VAPB: variants seen among roughly 807,000 people sequenced by gnomAD.
VAPB encodes vesicle-associated membrane protein-associated protein B/C.
Under a neutral mutation model 25.6 loss-of-function variants are expected in VAPB, and 7 were observed. That is an observed-to-expected ratio of 0.27 (90% CI 0.16 to 0.51). The LOEUF is 0.51. Ranked by LOEUF, VAPB falls within the 20% of genes least tolerant of loss-of-function variation. VAPB has a pLI of 0.97. For missense variants in VAPB, 266 were observed against 301.3 expected, an observed-to-expected ratio of 0.88 and a Z score of 0.87; for synonymous variants, 112 against 109.2, an observed-to-expected ratio of 1.03 and a Z score of -0.16.
intron 1 of VAPB, among the ~76,000 whole-genome samples, chr20:58,409,818 A>G (rs1382111409): frequency 1.3e-5 from 2 of 152,094 alleles, no homozygotes; most frequent in East Asian, 3.8e-4. Flanking sequence ...CAAAGGAAGG[A>G]TATGTATTTG....
Position 58,444,131 on chromosome 20 carries a change from G to C in VAPB, c.628G>C (p.Ala210Pro). The change falls in exon 6 of 6, where the codon GCA becomes CCA. Residue 210 changes from alanine (A) to proline (P), a missense_variant. This residue lies in a region of VAPB where 136 missense variants were observed against 130.7 expected (regional missense o/e 1.04). Coordinates refer to ENST00000475243, the MANE Select transcript of VAPB (RefSeq NM_004738.5). ...AGTGCAGAGCAACAGCCCCATTTCA[G>C]CATTAGCCCCAACTGGGAAGGAAGA... ...KTVQSNSPIS[A>P]LAPTGKEEGL... 1 of 1,614,202 alleles carries C rather than the reference G, an allele frequency of 6.2e-7. No individual in the cohort carries two copies.
chr20:58,430,250 C>CT (rs36004702), intron 2 of VAPB, among the ~76,000 whole-genome samples: 56,901 of 146,064 alleles, frequency 0.39, 11,065 homozygotes, highest in Middle Eastern at 0.46. Context: ...GCCAATTTTT[C>CT]TTTTTTTTTT....
chr20:58,431,094 C>CT (rs1423487142), intron 2 of VAPB: 7 of 152,214 alleles, frequency 4.6e-5, no homozygotes, highest in Admixed American at 3.3e-4. Flanking sequence ...ACAAGTGTTA[C>CT]TTTCTTCAAG....
chr20:58,444,501 T>G lies in VAPB; in HGVS notation c.*266T>G. 1 of 595,432 alleles carries G rather than the reference T, an allele frequency of 1.7e-6. No individual in the cohort carries two copies. Among genetic ancestry groups the G allele is most frequent in the Non-Finnish European group, 3.1e-6 (1 of 319,124 alleles). 36.9% of individuals were successfully genotyped at this position (595,432 alleles called of 1,614,324 possible). A position where few individuals can be genotyped will look rare whatever the true frequency, so the allele number is the denominator to read the frequency against. ...TAATGACAAGGGAAACCATGAGTAATGCCACAATGGCATATTGTAAATGTC... is the reference window on the plus strand; with the variant it reads ...TAATGACAAGGGAAACCATGAGTAAGGCCACAATGGCATATTGTAAATGTC... On this transcript the variant is annotated 3_prime_UTR_variant, in exon 6 of 6. Transcript: ENST00000475243.
intron 1 of VAPB, among the ~76,000 whole-genome samples, chr20:58,402,266 T>C (rs1415370926): frequency 6.6e-6 from 1 of 152,208 alleles, no homozygotes; most frequent in African/African-American, 2.4e-5. Flanking sequence ...TCCTTGGCCA[T>C]GGGGCTTTGG....
chr20:58,406,819 A>C (rs537683133), intron 1 of VAPB, among the ~76,000 whole-genome samples: 2 of 152,120 alleles, frequency 1.3e-5, no homozygotes, highest in African/African-American at 4.8e-5. Context: ...ATCTGTCTTG[A>C]CTCATCCTGC....
chr20:58,403,037 G>T (rs1187912360), intron 1 of VAPB, among the ~76,000 whole-genome samples: 2 of 151,346 alleles, frequency 1.3e-5, no homozygotes, highest in Admixed American at 1.3e-4. Context: ...AAGGAGAGAG[G>T]GGGGAAGAAA....
At chr20:58,396,916 A>G (rs934546048) in intron 1 of VAPB, among the ~76,000 whole-genome samples, 89 of 143,348 alleles carry the variant, frequency 6.2e-4, no homozygotes, top group African/African-American at 2.4e-3. Flanking sequence ...TGCACTAGTA[A>G]ATGGTGGCAC....
intron 1 of VAPB, among the ~76,000 whole-genome samples, chr20:58,397,974 G>T (rs936912694): frequency 6.6e-6 from 1 of 152,148 alleles, no homozygotes; most frequent in East Asian, 1.9e-4. Context: ...GACATGCATG[G>T]ATATAATGAT....
At chr20:58,435,914 A>G (rs1362802208) in intron 3 of VAPB, among the ~76,000 whole-genome samples, 2 of 152,236 alleles carry the variant, frequency 1.3e-5, no homozygotes, top group Non-Finnish European at 2.9e-5. Context: ...GCTGCATGGC[A>G]TAGTGAAAAG....
intron 1 of VAPB, among the ~76,000 whole-genome samples, chr20:58,397,390 A>G (rs1285521920): frequency 3.3e-5 from 5 of 151,964 alleles, no homozygotes; most frequent in Non-Finnish European, 7.4e-5. Context: ...ATGGTAGCGC[A>G]TGCCTGTAAT....
chr20:58,433,490 A>G (rs1600811685), intron 2 of VAPB, among the ~76,000 whole-genome samples: 1 of 152,206 alleles, frequency 6.6e-6, no homozygotes, highest in East Asian at 1.9e-4. Context: ...GGTGAGAAGC[A>G]TAAGACTTGT....
At chr20:58,404,214 G>A (rs539525507) in intron 1 of VAPB, among the ~76,000 whole-genome samples, 80 of 152,142 alleles carry the variant, frequency 5.3e-4, no homozygotes, top group Admixed American at 5.1e-3. Context: ...TAGATCTTAC[G>A]GATAGGTTCG....
intron 1 of VAPB, among the ~76,000 whole-genome samples, chr20:58,391,648 C>T (rs1987801622): frequency 6.6e-6 from 1 of 152,144 alleles, no homozygotes; most frequent in African/African-American, 2.4e-5. Flanking sequence ...CCTGCCTCAG[C>T]CTCTTGAGTA....
At chr20:58,401,809 G>A (rs1344617333) in intron 1 of VAPB, among the ~76,000 whole-genome samples, 2 of 152,170 alleles carry the variant, frequency 1.3e-5, no homozygotes, top group African/African-American at 4.8e-5. Flanking sequence ...GTTAAATGCA[G>A]CATGACCCAA....
chr20:58,400,021 A>T (rs915122641), intron 1 of VAPB, among the ~76,000 whole-genome samples: 1 of 152,152 alleles, frequency 6.6e-6, no homozygotes, highest in South Asian at 2.1e-4. Flanking sequence ...CGTACTCGAG[A>T]AATCAGTGTT....
In VAPB at chr20:58,448,721, T is replaced by C. The variant is rs1423762411; in HGVS notation, c.*4486T>C. The stretch of plus-strand genomic sequence containing the variant: ...ATTTTCACACTAAAGTAAGTAGAAT[T>C]AAGACTGTAGTTCAGATGCTTTTTC... On this transcript the variant is annotated 3_prime_UTR_variant, in exon 6 of 6. Coordinates refer to ENST00000475243, the MANE Select transcript of VAPB (RefSeq NM_004738.5). 4.4e-6 allele frequency: 2 copies of C among 453,900 alleles called. No individual in the cohort carries two copies. Among genetic ancestry groups the C allele is most frequent in the African/African-American group, 2.0e-5 (1 of 49,968 alleles). The allele number at this position is 453,900 out of a possible 1,614,324, so 28.1% of individuals were successfully genotyped here.
intron 2 of VAPB, among the ~76,000 whole-genome samples, chr20:58,428,152 C>T (rs1388814104): frequency 6.6e-6 from 1 of 152,224 alleles, no homozygotes; most frequent in Non-Finnish European, 1.5e-5. Flanking sequence ...TTCTGTGTTT[C>T]TTCTCTGTTC....
rs1039243640 is a variant in VAPB, at chr20:58,394,263, A to T, written c.58+4746A>T. ...TTTTGTTTTGTTTTTTGTATGGGAAAAGTTGGCTTAGACTCTTTAGTTCAG... is the reference window on the plus strand; with the variant it reads ...TTTTGTTTTGTTTTTTGTATGGGAATAGTTGGCTTAGACTCTTTAGTTCAG... On this transcript the variant is annotated intron_variant, in intron 1 of 5. Transcript: ENST00000475243. Among the ~76,000 whole-genome samples, 7 of 152,320 alleles carry T rather than the reference A, an allele frequency of 4.6e-5. No individual in the cohort carries two copies. In the East Asian group the frequency reaches 1.4e-3, roughly 29 times the overall value.
Sources: gnomAD v4.1 joint callset for allele counts (sites outside exome capture counted in the v4.1 genomes callset) on GRCh38, gnomAD v4.1.1 for gene constraint, gnomAD v4.1.1 regional missense constraint, MANE v1.5 for transcripts, NCBI Gene and HGNC (gene_info 2026-07-23, HGNC 2026-07-21) for gene names.